Variants in EHMT1 observed in about 807,000 individuals in gnomAD.
EHMT1 encodes the protein euchromatic histone lysine methyltransferase 1, also known as histone-lysine N-methyltransferase EHMT1.
Under a neutral mutation model 147.2 loss-of-function variants are expected in EHMT1, and 15 were observed. That is an observed-to-expected ratio of 0.10 (90% CI 0.07 to 0.16). EHMT1 has a LOEUF of 0.16. Ranked by LOEUF, EHMT1 falls within the 10% of genes least tolerant of loss-of-function variation. The pLI is 1.00. For synonymous variants in EHMT1, 795 were observed against 709.6 expected (o/e 1.12, Z -1.91); for missense variants, 1,587 against 1,772.4 (o/e 0.90, Z 1.88).
rs904225426 is a variant in EHMT1 at position 137,835,764 on chromosome 9, T to C, written c.*811T>C. On this transcript the variant is annotated 3_prime_UTR_variant, in exon 27 of 27. Transcript: ENST00000460843. ...CAACGGTGCTGATTCTGGTGTGGTTTCTACTCACCACGTGAAATAAACTAT... is the reference window on the plus strand; with the variant it reads ...CAACGGTGCTGATTCTGGTGTGGTTCCTACTCACCACGTGAAATAAACTAT... 8 of 152,642 alleles carry C rather than the reference T, an allele frequency of 5.2e-5. No homozygotes were observed. The highest frequency in any genetic ancestry group is 1.4e-4 in the African/African-American group (6 of 41,474). The allele number at this position is 152,642 out of a possible 1,614,324, so 9.5% of individuals were successfully genotyped here.
Position 137,787,533 on chromosome 9 carries a change from C to T in EHMT1, c.2383-3315C>T, listed in dbSNP as rs4484775. ...CCACACGTGGGGTAGTTAGTAAACACCATGGACTCCCAGCAAGGCTGCTGC... is the reference window on the plus strand; with the variant it reads ...CCACACGTGGGGTAGTTAGTAAACATCATGGACTCCCAGCAAGGCTGCTGC... On this transcript the variant is annotated intron_variant, in intron 15 of 26. Transcript: ENST00000460843. The surrounding 1 kb of genome is among the most constrained non-coding windows in gnomAD (Gnocchi z 4.2). 15,616 of 398,356 alleles carry T rather than the reference C, an allele frequency of 0.039. 395 individuals are homozygous for T. The highest frequency in any genetic ancestry group is 0.055 in the South Asian group (2,031 of 36,956). The allele number at this position is 398,356 out of a possible 1,614,324, so 24.7% of individuals were successfully genotyped here.
At chr9:137,778,196 C>A in intron 13 of EHMT1, 141 bp downstream of exon 13, 1 of 1,197,376 alleles carries the variant, frequency 8.4e-7, no homozygotes, top group Non-Finnish European at 1.2e-6. Context: ...TATTTTCACA[C>A]TATTTTGGGA....
chr9:137,739,592 T>G (rs1287723565), intron 4 of EHMT1, among the ~76,000 whole-genome samples: 1 of 152,160 alleles, frequency 6.6e-6, no homozygotes, highest in Admixed American at 6.5e-5. Flanking sequence ...GGGTAGAAGC[T>G]GCAGGTCCCT....
chr9:137,670,033 T>C (rs2014103), intron 1 of EHMT1, among the ~76,000 whole-genome samples: 27,694 of 152,100 alleles, frequency 0.18, 2,759 homozygotes, highest in Admixed American at 0.31. Flanking sequence ...AATGTTTTTG[T>C]ATTTTTAGTA....
chr9:137,794,807 C>CT (rs1335795597), intron 16 of EHMT1, among the ~76,000 whole-genome samples: 2 of 152,134 alleles, frequency 1.3e-5, no homozygotes, highest in African/African-American at 4.8e-5. Flanking sequence ...ATCCTACATC[C>CT]AGTAAACGTA....
At chr9:137,733,329 G>A (rs965425345) in intron 4 of EHMT1, among the ~76,000 whole-genome samples, 3 of 152,086 alleles carry the variant, frequency 2.0e-5, no homozygotes. Flanking sequence ...CACGTGTAGC[G>A]GTTCACAATT....
chr9:137,757,447 C>G (rs1949463334), intron 8 of EHMT1, among the ~76,000 whole-genome samples: 1 of 152,264 alleles, frequency 6.6e-6, no homozygotes, highest in Non-Finnish European at 1.5e-5. Flanking sequence ...CTTGGGCCAT[C>G]TCTTTAGCTA....
chr9:137,784,177 C>A (rs1451463173), intron 15 of EHMT1: 1 of 1,551,076 alleles, frequency 6.4e-7, no homozygotes, highest in African/African-American at 1.4e-5. Context: ...CGTGCTGTTC[C>A]CGAACACAGC....
At chr9:137,658,261 G>A (rs781371176) in intron 1 of EHMT1, among the ~76,000 whole-genome samples, 7 of 151,796 alleles carry the variant, frequency 4.6e-5, no homozygotes, top group Non-Finnish European at 1.0e-4. Context: ...AGTGATTCTT[G>A]TGCCTCAGCC....
chr9:137,751,264 G>A (rs760848881), intron 6 of EHMT1, among the ~76,000 whole-genome samples: 2 of 152,188 alleles, frequency 1.3e-5, no homozygotes, highest in Admixed American at 6.5e-5. Context: ...GGACACCTTT[G>A]ACTTGTTCAG....
intron 1 of EHMT1, among the ~76,000 whole-genome samples, chr9:137,700,289 G>A (rs1323131618): frequency 2.4e-4 from 36 of 152,176 alleles, no homozygotes; most frequent in Admixed American, 2.4e-3. Context: ...AGCTGCTTGT[G>A]TACTTGGCCT....
At chr9:137,762,523 G>T in intron 9 of EHMT1, 152 bp from the exon 10 acceptor site, 5 of 1,363,080 alleles carry the variant, frequency 3.7e-6, no homozygotes, top group South Asian at 1.3e-5. Context: ...GGCCATCCCC[G>T]CCCCACGCAG....
intron 6 of EHMT1, among the ~76,000 whole-genome samples, chr9:137,751,550 T>C (rs9410136): frequency 0.14 from 21,412 of 152,164 alleles, 3,534 homozygotes; most frequent in African/African-American, 0.4. Flanking sequence ...CATGCCGCCT[T>C]AGGGAGTGCC....
At chr9:137,823,980 C>CCTCCT (rs1157541308) in intron 25 of EHMT1, among the ~76,000 whole-genome samples, 1 of 152,230 alleles carries the variant, frequency 6.6e-6, no homozygotes, top group African/African-American at 2.4e-5. Context: ...CTGTGCCTTG[C>CCTCCT]CTCCTCACTT....
chr9:137,672,981 T>G (rs1294383726), intron 1 of EHMT1, among the ~76,000 whole-genome samples: 1 of 152,200 alleles, frequency 6.6e-6, no homozygotes, highest in Non-Finnish European at 1.5e-5. Context: ...AAGCCTGCAT[T>G]TACACTTCTA....
At chr9:137,729,650 A>G (rs898059490) in intron 4 of EHMT1, among the ~76,000 whole-genome samples, 5 of 152,162 alleles carry the variant, frequency 3.3e-5, no homozygotes, top group African/African-American at 7.2e-5. Context: ...GCAAAATTCT[A>G]CGAATAAGTC....
chr9:137,708,094 A>G (rs915786083), intron 1 of EHMT1, among the ~76,000 whole-genome samples: 2 of 152,230 alleles, frequency 1.3e-5, no homozygotes, highest in Non-Finnish European at 2.9e-5. Flanking sequence ...GTAACATTTT[A>G]TTTACATGTT....
At chr9:137,727,964 TAGTA>T (rs1946776096) in intron 3 of EHMT1, among the ~76,000 whole-genome samples, 1 of 152,244 alleles carries the variant, frequency 6.6e-6, no homozygotes, top group African/African-American at 2.4e-5. Flanking sequence ...TTTTTTAGCT[TAGTA>T]AGTGTATTAT....
intron 3 of EHMT1, among the ~76,000 whole-genome samples, chr9:137,721,503 C>T (rs377711127): frequency 3.3e-5 from 3 of 90,802 alleles, no homozygotes; most frequent in Non-Finnish European, 6.5e-5. Flanking sequence ...CCTTCTCACA[C>T]GCCTCTCACC....
Sources: gnomAD v4.1 joint callset for allele counts (sites outside exome capture counted in the v4.1 genomes callset) on GRCh38, gnomAD v4.1.1 for gene constraint, Gnocchi (gnomAD v3.1) non-coding constraint, MANE v1.5 for transcripts, NCBI Gene and HGNC (gene_info 2026-07-23, HGNC 2026-07-21) for gene names.